BCL2: variants seen among roughly 807,000 people sequenced by gnomAD.
The protein encoded by BCL2 is apoptosis regulator Bcl-2.
In BCL2, 1 loss-of-function variant was observed where a neutral mutation model predicts 14.2. That is an observed-to-expected ratio of 0.07 (90% CI 0.02 to 0.33). The LOEUF (loss-of-function observed/expected upper bound fraction) is 0.33. Among genes scored for constraint, BCL2 ranks in the 10% least tolerant of loss-of-function variants. BCL2 has a pLI of 0.99. For synonymous variants in BCL2, 151 were observed against 137.2 expected (o/e 1.10, Z -0.70); for missense variants, 247 against 305.9 (o/e 0.81, Z 1.44).
At chr18:63,276,859 C>T (rs1038929734) in intron 2 of BCL2, among the ~76,000 whole-genome samples, 1 of 152,176 alleles carries the variant, frequency 6.6e-6, no homozygotes, top group Admixed American at 6.5e-5. Flanking sequence ...TTTTGTACTT[C>T]CTTTCTATTA....
At chr18:63,307,443 T>TCA (rs891634800) in intron 2 of BCL2, among the ~76,000 whole-genome samples, 4 of 152,254 alleles carry the variant, frequency 2.6e-5, no homozygotes, top group African/African-American at 9.6e-5. Flanking sequence ...TGTGTTATTC[T>TCA]CACACACAGG....
intron 2 of BCL2, among the ~76,000 whole-genome samples, chr18:63,300,884 T>C (rs145178733): frequency 1.3e-5 from 2 of 152,350 alleles, no homozygotes; most frequent in African/African-American, 4.8e-5. Flanking sequence ...TTGAATAATT[T>C]ACAGGCCTCC....
At chr18:63,170,102 G>T (rs537801694) in intron 2 of BCL2, among the ~76,000 whole-genome samples, 2 of 152,138 alleles carry the variant, frequency 1.3e-5, no homozygotes, top group Admixed American at 6.5e-5. Context: ...ATGACCTTGC[G>T]CAAGCTGCTA....
intron 2 of BCL2, among the ~76,000 whole-genome samples, chr18:63,196,090 G>A (rs1227653369): frequency 1.3e-5 from 2 of 152,118 alleles, no homozygotes; most frequent in African/African-American, 4.8e-5. Flanking sequence ...GCTATTTGTC[G>A]AAGTGTCTTA....
chr18:63,297,596 C>T (rs1231231990), intron 2 of BCL2, among the ~76,000 whole-genome samples: 1 of 152,074 alleles, frequency 6.6e-6, no homozygotes, highest in Non-Finnish European at 1.5e-5. Flanking sequence ...GACTAAATGC[C>T]CAATCAAGAT....
chr18:63,262,713 C>T (rs1911697018), intron 2 of BCL2, among the ~76,000 whole-genome samples: 1 of 152,156 alleles, frequency 6.6e-6, no homozygotes, highest in Non-Finnish European at 1.5e-5. Context: ...GCAAATACCA[C>T]CACTACCCAA....
At chr18:63,188,197 A>C (rs1198966399) in intron 2 of BCL2, among the ~76,000 whole-genome samples, 3 of 152,240 alleles carry the variant, frequency 2.0e-5, no homozygotes, top group Non-Finnish European at 4.4e-5. Context: ...ACACTGCCTG[A>C]AAAATGAATT....
At position 63,169,305 on chromosome 18, in the gene BCL2, TTTC is replaced by T. The variant is rs1568222445; in HGVS notation, c.586-40549_586-40547del. Among the ~76,000 whole-genome samples the T allele has an allele frequency of 8.6e-5, 6 of 69,606 alleles. 1 individual carries two copies. The highest frequency in any genetic ancestry group is 5.7e-4 in the South Asian group (1 of 1,764). 45.7% of individuals were successfully genotyped at this position (69,606 alleles called of 152,430 possible). The stretch of plus-strand genomic sequence containing the variant: ...CTTTCTTTCTTTCTTTCTTTCTTTC[TTTC>T]TTCCTTCCTTCCTTCTTTCCTTTCC... On this transcript the variant is annotated intron_variant, in intron 2 of 2. Transcript: ENST00000333681.
At chr18:63,238,188 T>C (rs962010553) in intron 2 of BCL2, among the ~76,000 whole-genome samples, 2 of 152,204 alleles carry the variant, frequency 1.3e-5, no homozygotes, top group South Asian at 4.1e-4. Context: ...TGAATTCTCC[T>C]AACTGGGAGT....
At chr18:63,262,518 G>A in intron 2 of BCL2, among the ~76,000 whole-genome samples, 1 of 152,184 alleles carries the variant, frequency 6.6e-6, no homozygotes, top group East Asian at 1.9e-4. Flanking sequence ...CAGGAAGGAG[G>A]TGGACAAGTG....
At chr18:63,134,673 C>A (rs374133950) in intron 2 of BCL2, among the ~76,000 whole-genome samples, 2 of 152,298 alleles carry the variant, frequency 1.3e-5, no homozygotes, top group East Asian at 3.9e-4. Context: ...AGAAAAGCCA[C>A]CCTGTCCCCA....
At chr18:63,314,965 A>G (rs925823870) in intron 2 of BCL2, 4 of 152,284 alleles carry the variant, frequency 2.6e-5, no homozygotes, top group Admixed American at 2.6e-4. Context: ...ACAATAGTGG[A>G]CACCTGGGAA....
chr18:63,263,420 C>T (rs1273590115), intron 2 of BCL2, among the ~76,000 whole-genome samples: 4 of 152,074 alleles, frequency 2.6e-5, no homozygotes, highest in African/African-American at 7.2e-5. Context: ...TGTGTGAGAT[C>T]CTAAGGAGAC....
chr18:63,263,918 C>T (rs1044983694), intron 2 of BCL2, among the ~76,000 whole-genome samples: 14 of 152,114 alleles, frequency 9.2e-5, no homozygotes, highest in African/African-American at 1.9e-4. Flanking sequence ...CTCTGCTTCC[C>T]GGGTTTAAGC....
chr18:63,209,667 T>C (rs1416600833), intron 2 of BCL2, among the ~76,000 whole-genome samples: 5 of 152,080 alleles, frequency 3.3e-5, no homozygotes, highest in African/African-American at 4.8e-5. Context: ...CCTGGAGATA[T>C]GGGTTTTGGA....
intron 2 of BCL2, among the ~76,000 whole-genome samples, chr18:63,239,017 G>A (rs964299824): frequency 1.3e-5 from 2 of 152,194 alleles, no homozygotes; most frequent in Non-Finnish European, 2.9e-5. Flanking sequence ...GGAGAGGCGG[G>A]GGCCTGTGAA....
intron 2 of BCL2, among the ~76,000 whole-genome samples, chr18:63,199,897 C>T (rs1047174596): frequency 4.0e-5 from 6 of 151,888 alleles, no homozygotes; most frequent in African/African-American, 7.3e-5. Flanking sequence ...TACGGTAGCA[C>T]GGACCAAAAC....
chr18:63,137,013 G>A (rs1241712705), intron 2 of BCL2, among the ~76,000 whole-genome samples: 3 of 152,202 alleles, frequency 2.0e-5, no homozygotes, highest in African/African-American at 7.2e-5. Flanking sequence ...GTGATTTCCA[G>A]TCTGATCTCT....
chr18:63,216,547 G>C (rs76509090), intron 2 of BCL2, among the ~76,000 whole-genome samples: 13,602 of 152,092 alleles, frequency 0.089, 659 homozygotes, highest in South Asian at 0.16. Context: ...AAATTACAGA[G>C]AACTGTAATT....
Sources: allele counts gnomAD v4.1 joint callset (sites outside exome capture counted in the v4.1 genomes callset), GRCh38; gene constraint gnomAD v4.1.1; transcripts MANE v1.5; gene names NCBI Gene and HGNC (gene_info 2026-07-23, HGNC 2026-07-21).